PTPN14: variants seen among roughly 807,000 people sequenced by gnomAD.
PTPN14 encodes tyrosine-protein phosphatase non-receptor type 14.
A neutral mutation model predicts 126.8 loss-of-function variants in PTPN14; 53 were observed. That is an observed-to-expected ratio of 0.42 (90% CI 0.34 to 0.53). The LOEUF is 0.53. Among genes scored for constraint, PTPN14 ranks in the 20% least tolerant of loss-of-function variants. The pLI, the probability that PTPN14 is intolerant of heterozygous loss-of-function variation, is 0.08. For synonymous variants in PTPN14, 630 were observed against 599.3 expected, an observed-to-expected ratio of 1.05 and a Z score of -0.75; for missense variants, 1,257 against 1,552.9, an observed-to-expected ratio of 0.81 and a Z score of 3.20.
At chr1:214,544,752 A>T (rs895581885) in intron 1 of PTPN14, among the ~76,000 whole-genome samples, 1 of 152,094 alleles carries the variant, frequency 6.6e-6, no homozygotes, top group Non-Finnish European at 1.5e-5. Flanking sequence ...CTCCATCTCA[A>T]AACGAGAAAG....
In PTPN14 at chr1:214,376,028, T is replaced by C. The variant is rs17022760; in HGVS notation, c.2907+191A>G. On this transcript the variant is annotated intron_variant, in intron 15 of 18. Transcript: ENST00000366956. ...GAAGTTCTTCCTGAGGCTGCTAGACTTCCTTCTCTCTGCAGTGATAGACAT... is the reference window on the plus strand; with the variant it reads ...GAAGTTCTTCCTGAGGCTGCTAGACCTCCTTCTCTCTGCAGTGATAGACAT... Among the ~76,000 whole-genome samples the C allele has an allele frequency of 6.2e-3, 944 of 152,262 alleles. 15 individuals are homozygous for C. The highest frequency in any genetic ancestry group is 0.022 in the African/African-American group (896 of 41,568).
rs532819952 is a variant in PTPN14 at position 214,532,407 on chromosome 1, G to A, written c.-155+18776C>T. 4.7e-4 allele frequency: 331 copies of A among 703,116 alleles called. 3 individuals carry two copies. Among genetic ancestry groups the A allele is most frequent in the South Asian group, 7.8e-4 (53 of 68,096 alleles). The allele number at this position is 703,116 out of a possible 1,614,324, so 43.6% of individuals were successfully genotyped here. ...GGCTGGGGGCCTGGCAGGAATAGGA[G>A]GCATCCAGAACGAGAAGGAGACCAT... On this transcript the variant is annotated intron_variant, in intron 1 of 18. Coordinates refer to ENST00000366956, the MANE Select transcript of PTPN14 (RefSeq NM_005401.5).
chr1:214,380,650 T>A lies in PTPN14; in HGVS notation c.2545-2548A>T, dbSNP rs1475873104. On this transcript the variant is annotated intron_variant, in intron 13 of 18. Coordinates refer to ENST00000366956, the MANE Select transcript of PTPN14 (RefSeq NM_005401.5). The stretch of plus-strand genomic sequence containing the variant: ...CCTGCACACCCCGCCAGCCCCTGAG[T>A]TTTCTTTTGCTAAAAGTTTCTCATT... Among the ~76,000 whole-genome samples, 3 of 152,228 alleles carry A rather than the reference T, an allele frequency of 2.0e-5. No individual in the cohort carries two copies. The South Asian group carries it at 6.2e-4, about 32-fold the overall frequency.
At chr1:214,445,380 G>C (rs1263651651) in intron 3 of PTPN14, among the ~76,000 whole-genome samples, 1 of 152,146 alleles carries the variant, frequency 6.6e-6, no homozygotes, top group Non-Finnish European at 1.5e-5. Flanking sequence ...CAATTCTGTA[G>C]AGTGCTCACC....
At chr1:214,399,873 A>G (rs1007471357) in intron 7 of PTPN14, among the ~76,000 whole-genome samples, 4 of 152,144 alleles carry the variant, frequency 2.6e-5, no homozygotes, top group Non-Finnish European at 5.9e-5. Flanking sequence ...CACTTCTGAT[A>G]TCACATTTTA....
chr1:214,372,882 G>A, intron 15 of PTPN14, 43 bp from the exon 16 acceptor site: 1 of 1,609,114 alleles, frequency 6.2e-7, no homozygotes, highest in Non-Finnish European at 8.5e-7. Context: ...CCCAAGTCCG[G>A]ACAACATTAC....
At position 214,349,641 on chromosome 1, in the gene PTPN14, C is replaced by T. The variant is rs1213397084; in HGVS notation, c.*8281G>A. 6.6e-6 allele frequency: 1 copy of T among 152,042 alleles called. No homozygotes were observed. Among genetic ancestry groups the T allele is most frequent in the Non-Finnish European group, 1.5e-5 (1 of 67,998 alleles). The allele number at this position is 152,042 out of a possible 1,614,324, so 9.4% of individuals were successfully genotyped here. Reference sequence around the variant, plus strand: ...TTGCATATTTAAACCTTTTTTTCCACTGAAGTATCCTCAAGCACATTAATT... The same window carrying T: ...TTGCATATTTAAACCTTTTTTTCCATTGAAGTATCCTCAAGCACATTAATT... On this transcript the variant is annotated 3_prime_UTR_variant, in exon 19 of 19. Coordinates refer to ENST00000366956, the MANE Select transcript of PTPN14 (RefSeq NM_005401.5).
chr1:214,358,941 G>A (rs559269663), intron 18 of PTPN14, among the ~76,000 whole-genome samples: 11 of 151,438 alleles, frequency 7.3e-5, no homozygotes, highest in Admixed American at 4.6e-4. Flanking sequence ...ACAGGGTTTC[G>A]TCCTGTTGGC....
At chr1:214,441,973 A>T (rs1273207753) in intron 3 of PTPN14, among the ~76,000 whole-genome samples, 1 of 152,266 alleles carries the variant, frequency 6.6e-6, no homozygotes, top group Non-Finnish European at 1.5e-5. Context: ...GAATGAACAA[A>T]TGAATGAATG....
chr1:214,390,898 C>G (rs1308349371), intron 11 of PTPN14, 90 bp downstream of exon 11: 9 of 1,108,726 alleles, frequency 8.1e-6, no homozygotes, highest in South Asian at 5.1e-5. Flanking sequence ...TTCACCTCAT[C>G]ATGATGCCCT....
In PTPN14 at chr1:214,464,705, G is replaced by A. The variant is rs142949490; in HGVS notation, c.99C>T (p.Ile33=). The change falls in exon 2 of 19, where the codon ATC becomes ATT. Residue 33 remains isoleucine, a synonymous_variant. Transcript: ENST00000366956. ...TRIRLLDSNV[I]ECTLSVESTG... is the part of the protein sequence containing the mutation. ...TGCTTTCCACCGACAGCGTGCACTCGATAACATTGCTGTCCAGCAGGCGAA... is the reference window on the plus strand; with the variant it reads ...TGCTTTCCACCGACAGCGTGCACTCAATAACATTGCTGTCCAGCAGGCGAA... 575 of 1,614,268 alleles carry A rather than the reference G, an allele frequency of 3.6e-4. 1 individual carries two copies. The African/African-American group carries it at 6.6e-3, about 18-fold the overall frequency.
At chr1:214,449,760 T>G (rs1363387075) in intron 3 of PTPN14, among the ~76,000 whole-genome samples, 2 of 152,132 alleles carry the variant, frequency 1.3e-5, no homozygotes, top group African/African-American at 4.8e-5. Flanking sequence ...ACACTAGGTT[T>G]TTTGGATCAA....
chr1:214,448,827 G>A (rs918737266), intron 3 of PTPN14, among the ~76,000 whole-genome samples: 2 of 151,928 alleles, frequency 1.3e-5, no homozygotes, highest in African/African-American at 4.8e-5. Flanking sequence ...ATTTTTAGAT[G>A]GCTTAGTTAC....
intron 1 of PTPN14, among the ~76,000 whole-genome samples, chr1:214,493,490 G>A (rs143690899): frequency 3.3e-4 from 50 of 152,106 alleles, no homozygotes; most frequent in African/African-American, 1.2e-3. Context: ...AATAGCTCAT[G>A]TGCTCCATAA....
intron 1 of PTPN14, among the ~76,000 whole-genome samples, chr1:214,535,037 T>C (rs992058174): frequency 1.3e-4 from 20 of 152,008 alleles, no homozygotes; most frequent in African/African-American, 4.8e-4. Context: ...ATAGCAAACA[T>C]ATATTTGAAA....
chr1:214,391,519 T>C (rs189339527), intron 10 of PTPN14, among the ~76,000 whole-genome samples: 1 of 152,278 alleles, frequency 6.6e-6, no homozygotes, highest in Admixed American at 6.5e-5. Context: ...TACTTTTTAT[T>C]AAGATAACAC....
At chr1:214,537,912 A>C (rs1484776331) in intron 1 of PTPN14, among the ~76,000 whole-genome samples, 2 of 152,244 alleles carry the variant, frequency 1.3e-5, no homozygotes, top group African/African-American at 2.4e-5. Context: ...TTGACAACAG[A>C]TTTATCTCAA....
At chr1:214,488,367 G>T (rs948096688) in intron 1 of PTPN14, among the ~76,000 whole-genome samples, 1 of 152,158 alleles carries the variant, frequency 6.6e-6, no homozygotes, top group Non-Finnish European at 1.5e-5. Flanking sequence ...GACAGACACA[G>T]CTGTGCTGCT....
Position 214,364,618 on chromosome 1 carries a change from G to C in PTPN14, c.3329C>G (p.Thr1110Ser). The change falls in exon 18 of 19, where the codon ACC becomes AGC. Residue 1110 changes from threonine (T) to serine (S), a missense_variant. Around this residue, in one of 3 missense-constraint regions of PTPN14, gnomAD observed 171 missense variants for 229.8 expected, o/e 0.74. Coordinates refer to ENST00000366956, the MANE Select transcript of PTPN14 (RefSeq NM_005401.5). This position sits in a 1 kb window ranked among gnomAD's most constrained non-coding sequence, Gnocchi z 4.1. ...RRHTNSMLEG[T>S]KNRHPPIVVH... is the part of the protein sequence containing the mutation. ...CACGATGGGCGGGTGCCGGTTCTTGGTGCCTTCCAGCATGCTGTTGGTATG... is the reference window on the plus strand; with the variant it reads ...CACGATGGGCGGGTGCCGGTTCTTGCTGCCTTCCAGCATGCTGTTGGTATG... 6.2e-7 allele frequency: 1 copy of C among 1,614,082 alleles called. No individual in the cohort carries two copies. Among genetic ancestry groups the C allele is most frequent in the Non-Finnish European group, 8.5e-7 (1 of 1,180,030 alleles).
Sources: allele counts gnomAD v4.1 joint callset (sites outside exome capture counted in the v4.1 genomes callset), GRCh38; gene constraint gnomAD v4.1.1; regional missense constraint gnomAD v4.1.1; non-coding constraint Gnocchi (gnomAD v3.1); transcripts MANE v1.5; gene names NCBI Gene and HGNC (gene_info 2026-07-23, HGNC 2026-07-21).